The following DCC variants were observed in gnomAD, a reference collection of about 807,000 sequenced individuals.
DCC encodes DCC netrin 1 receptor, also known as netrin receptor DCC.
Under a neutral mutation model 172.5 loss-of-function variants are expected in DCC, and 58 were observed. The ratio of observed to expected loss-of-function variants is 0.34; its 90% CI spans 0.27 to 0.42. The LOEUF is 0.42. Among genes scored for constraint, DCC ranks in the 10% least tolerant of loss-of-function variants. The pLI is 1.00. For synonymous variants in DCC, 709 were observed against 644.5 expected (o/e 1.10, Z -1.52); for missense variants, 1,740 against 1,791.0 (o/e 0.97, Z 0.51).
chr18:53,039,637 G>C (rs2042142589), intron 5 of DCC, among the ~76,000 whole-genome samples: 3 of 151,924 alleles, frequency 2.0e-5, no homozygotes, highest in African/African-American at 7.2e-5. Context: ...CAAGAGGGAG[G>C]CTCTCCCTAG....
At chr18:53,228,695 G>A (rs911023617) in intron 12 of DCC, among the ~76,000 whole-genome samples, 2 of 152,024 alleles carry the variant, frequency 1.3e-5, no homozygotes, top group East Asian at 3.9e-4. Flanking sequence ...AGGATTTCGG[G>A]GTTTATGAGA....
intron 1 of DCC, among the ~76,000 whole-genome samples, chr18:52,381,703 A>G (rs1475154388): frequency 1.3e-5 from 2 of 151,946 alleles, no homozygotes; most frequent in Middle Eastern, 3.2e-3. Flanking sequence ...CCTCAACTCT[A>G]TAGGTTTTGG....
intron 28 of DCC, chr18:53,526,970 G>A (rs1568188278): frequency 7.0e-6 from 4 of 574,442 alleles, no homozygotes; most frequent in Non-Finnish European, 1.2e-5. Flanking sequence ...ACTTAGTTAT[G>A]TAAAAAAGTT....
chr18:52,473,794 T>A (rs1364242309), intron 1 of DCC, among the ~76,000 whole-genome samples: 14 of 152,118 alleles, frequency 9.2e-5, no homozygotes, highest in Admixed American at 9.2e-4. Context: ...ACCATATTAG[T>A]CACTTTACTT....
At chr18:53,006,287 G>C (rs180922621) in intron 5 of DCC, among the ~76,000 whole-genome samples, 1 of 152,288 alleles carries the variant, frequency 6.6e-6, no homozygotes, top group African/African-American at 2.4e-5. Context: ...GAAGCATCCA[G>C]TCAGGTGTCT....
At chr18:52,951,474 C>T (rs750310113) in intron 5 of DCC, among the ~76,000 whole-genome samples, 2 of 151,956 alleles carry the variant, frequency 1.3e-5, no homozygotes, top group Non-Finnish European at 2.9e-5. Flanking sequence ...TGATATTCTC[C>T]TCCCTGTGTC....
chr18:53,259,376 T>A (rs2144677742), intron 12 of DCC, among the ~76,000 whole-genome samples: 1 of 152,328 alleles, frequency 6.6e-6, no homozygotes, highest in Middle Eastern at 3.4e-3. Context: ...GTTTAGTGCT[T>A]CCTTCAGGAG....
At chr18:52,604,648 A>T (rs2034094753) in intron 1 of DCC, among the ~76,000 whole-genome samples, 1 of 152,154 alleles carries the variant, frequency 6.6e-6, no homozygotes, top group South Asian at 2.1e-4. Flanking sequence ...AGAGGCCAGA[A>T]TCACACATAG....
At chr18:53,270,931 G>T (rs1037485467) in intron 12 of DCC, among the ~76,000 whole-genome samples, 1 of 151,960 alleles carries the variant, frequency 6.6e-6, no homozygotes, top group African/African-American at 2.4e-5. Flanking sequence ...CATTCAACTG[G>T]CTTAATTCTC....
At chr18:52,385,127 A>G (rs893719061) in intron 1 of DCC, among the ~76,000 whole-genome samples, 1 of 152,126 alleles carries the variant, frequency 6.6e-6, no homozygotes, top group Non-Finnish European at 1.5e-5. Flanking sequence ...GTTCACAACC[A>G]TTGCTTAAAA....
chr18:53,051,302 A>T (rs1273514310), intron 5 of DCC, among the ~76,000 whole-genome samples: 1 of 152,066 alleles, frequency 6.6e-6, no homozygotes, highest in East Asian at 1.9e-4. Flanking sequence ...GAAAAAGAAC[A>T]TCTCTCATAG....
intron 2 of DCC, among the ~76,000 whole-genome samples, chr18:52,823,792 CA>C (rs927235174): frequency 1.1e-4 from 16 of 152,270 alleles, no homozygotes; most frequent in African/African-American, 3.6e-4. Context: ...TTAGTATCTT[CA>C]GGGGGTGTCC....
intron 1 of DCC, among the ~76,000 whole-genome samples, chr18:52,483,311 G>A (rs1194058051): frequency 6.6e-6 from 1 of 152,064 alleles, no homozygotes; most frequent in African/African-American, 2.4e-5. Flanking sequence ...GGAGGGCCAT[G>A]CAGCCAACTA....
intron 5 of DCC, among the ~76,000 whole-genome samples, chr18:53,042,837 A>G (rs901338186): frequency 1.2e-4 from 19 of 152,002 alleles, no homozygotes; most frequent in African/African-American, 4.6e-4. Flanking sequence ...GTGGAGAAAT[A>G]GGGACACTTT....
At chr18:52,979,317 G>A (rs1448312498) in intron 5 of DCC, among the ~76,000 whole-genome samples, 1 of 152,110 alleles carries the variant, frequency 6.6e-6, no homozygotes, top group Non-Finnish European at 1.5e-5. Flanking sequence ...GGAAAGGAAG[G>A]GAGGTGGGAA....
intron 21 of DCC, among the ~76,000 whole-genome samples, chr18:53,428,391 A>AATATAATATATATTACAT (rs1911233247): frequency 1.9e-5 from 1 of 51,624 alleles, no homozygotes; most frequent in African/African-American, 5.9e-5. Flanking sequence ...TATTGTATAT[A>AATATAATATATATTACAT]ATATAATATA....
At chr18:53,267,157 G>A (rs1044663271) in intron 12 of DCC, among the ~76,000 whole-genome samples, 1 of 151,716 alleles carries the variant, frequency 6.6e-6, no homozygotes, top group Non-Finnish European at 1.5e-5. Flanking sequence ...TATAGAGAGA[G>A]AGAGAGAGAC....
At chr18:52,761,675 T>C (rs1323450828) in intron 2 of DCC, among the ~76,000 whole-genome samples, 1 of 152,042 alleles carries the variant, frequency 6.6e-6, no homozygotes, top group Admixed American at 6.5e-5. Context: ...CACCTGTGAC[T>C]CTTAGTGCTC....
chr18:53,347,353 G>T (rs1599047888), intron 15 of DCC, among the ~76,000 whole-genome samples: 1 of 152,110 alleles, frequency 6.6e-6, no homozygotes. Flanking sequence ...TTTGGTTTTT[G>T]GGGGGATTGT....
Sources: allele counts gnomAD v4.1 joint callset (sites outside exome capture counted in the v4.1 genomes callset), GRCh38; gene constraint gnomAD v4.1.1; transcripts MANE v1.5; gene names NCBI Gene and HGNC (gene_info 2026-07-23, HGNC 2026-07-21).